The following TMEM132C variants were observed in gnomAD, a reference collection of about 807,000 sequenced individuals.
TMEM132C encodes the protein transmembrane protein 132C, also known as protein phosphatase 1, regulatory subunit 152.
A neutral mutation model predicts 61.4 loss-of-function variants in TMEM132C; 29 were observed. That is an observed-to-expected ratio of 0.47 (90% CI 0.35 to 0.64). TMEM132C has a LOEUF of 0.64. Ranked by LOEUF, TMEM132C falls within the 30% of genes least tolerant of loss-of-function variation. The pLI is 0.00. For missense variants in TMEM132C, 1,408 were observed against 1,476.9 expected, an observed-to-expected ratio of 0.95 and a Z score of 0.76; for synonymous variants, 656 against 633.1, an observed-to-expected ratio of 1.04 and a Z score of -0.54.
In TMEM132C at chr12:128,528,079, C is replaced by T. The variant is rs569884112; in HGVS notation, c.975-15878C>T. Among the ~76,000 whole-genome samples the T allele has an allele frequency of 2.0e-5, 3 of 152,312 alleles. No individual in the cohort carries two copies. The South Asian group carries it at 6.2e-4, about 32-fold the overall frequency. ...AATGAGAAATGTCAGCTGTTGCTAT[C>T]GTTGTTACGATTGGACATACTCACA... is the stretch of plus-strand genomic sequence containing the variant. On this transcript the variant is annotated intron_variant, in intron 2 of 8. Coordinates refer to ENST00000435159, the MANE Select transcript of TMEM132C (RefSeq NM_001136103.3).
chr12:128,523,244 T>C (rs1872968902), intron 2 of TMEM132C, among the ~76,000 whole-genome samples: 1 of 152,130 alleles, frequency 6.6e-6, no homozygotes, highest in Admixed American at 6.5e-5. Flanking sequence ...GAATGGTGGT[T>C]GTCAAGGAAT....
chr12:128,466,653 T>A (rs1219476315), intron 2 of TMEM132C, among the ~76,000 whole-genome samples: 1 of 152,166 alleles, frequency 6.6e-6, no homozygotes, highest in African/African-American at 2.4e-5. Context: ...ATCCTCTGCC[T>A]CCTGAGTACG....
intron 2 of TMEM132C, among the ~76,000 whole-genome samples, chr12:128,531,286 AT>A (rs1356799747): frequency 3.2e-5 from 4 of 125,814 alleles, no homozygotes; most frequent in Non-Finnish European, 6.6e-5. Flanking sequence ...GATAGGGAAG[AT>A]CAAAGTAAAT....
intron 8 of TMEM132C, among the ~76,000 whole-genome samples, chr12:128,698,820 C>T (rs915284985): frequency 6.6e-6 from 1 of 152,208 alleles, no homozygotes; most frequent in Non-Finnish European, 1.5e-5. Context: ...CCACTATGGA[C>T]TGAGCAATGC....
intron 2 of TMEM132C, among the ~76,000 whole-genome samples, chr12:128,446,674 T>C (rs781687674): frequency 1.3e-5 from 2 of 152,204 alleles, no homozygotes; most frequent in Admixed American, 6.5e-5. Context: ...TTGTCCTTGA[T>C]TGCTTTTGCA....
At chr12:128,517,048 C>T (rs1258476831) in intron 2 of TMEM132C, among the ~76,000 whole-genome samples, 15 of 148,674 alleles carry the variant, frequency 1.0e-4, no homozygotes, top group Admixed American at 1.0e-3. Flanking sequence ...ACAGTGACAC[C>T]TGTCTCTGCT....
chr12:128,425,687 C>T (rs1869157195), intron 2 of TMEM132C, among the ~76,000 whole-genome samples: 1 of 152,188 alleles, frequency 6.6e-6, no homozygotes. Flanking sequence ...CTAGAGAAGG[C>T]CCTTCCTTGC....
At chr12:128,451,468 A>G (rs1870173579) in intron 2 of TMEM132C, among the ~76,000 whole-genome samples, 1 of 152,168 alleles carries the variant, frequency 6.6e-6, no homozygotes, top group Non-Finnish European at 1.5e-5. Flanking sequence ...CCCCGGCAGG[A>G]AAGAGGGCTG....
intron 2 of TMEM132C, among the ~76,000 whole-genome samples, chr12:128,529,109 T>C (rs936507890): frequency 1.3e-5 from 2 of 152,032 alleles, no homozygotes; most frequent in African/African-American, 4.8e-5. Context: ...ACTGTTCATC[T>C]CAGAAATGTT....
chr12:128,448,643 G>A (rs1172605025), intron 2 of TMEM132C, among the ~76,000 whole-genome samples: 1 of 152,174 alleles, frequency 6.6e-6, no homozygotes, highest in African/African-American at 2.4e-5. Flanking sequence ...TTATGGAATG[G>A]GGAAACAGAT....
At position 128,706,631 on chromosome 12, in the gene TMEM132C, A is replaced by G. The variant is rs1485364905; in HGVS notation, c.*336A>G. 4 of 204,846 alleles carry G rather than the reference A, an allele frequency of 2.0e-5. No individual in the cohort carries two copies. Among genetic ancestry groups the G allele is most frequent in the African/African-American group, 9.2e-5 (4 of 43,556 alleles). The allele number at this position is 204,846 out of a possible 1,614,324, so 12.7% of individuals were successfully genotyped here. A position where few individuals can be genotyped will look rare whatever the true frequency, so the allele number is the denominator to read the frequency against. ...CAAAAATTATTTGTTAAAAAATGCA[A>G]CAAGACAAATAAAAAGAGAAATAAT... On this transcript the variant is annotated 3_prime_UTR_variant, in exon 9 of 9. Coordinates refer to ENST00000435159, the MANE Select transcript of TMEM132C (RefSeq NM_001136103.3).
intron 4 of TMEM132C, among the ~76,000 whole-genome samples, chr12:128,644,839 T>G (rs892543984): frequency 2.0e-5 from 3 of 152,200 alleles, no homozygotes; most frequent in African/African-American, 7.2e-5. Flanking sequence ...CAGCTTGTTC[T>G]TTGTTCAGAA....
chr12:128,572,099 T>C (rs1874907082), intron 3 of TMEM132C, among the ~76,000 whole-genome samples: 1 of 151,906 alleles, frequency 6.6e-6, no homozygotes, highest in South Asian at 2.1e-4. Context: ...ATGCCCACTG[T>C]GGCCTCTGCT....
intron 3 of TMEM132C, among the ~76,000 whole-genome samples, chr12:128,544,330 C>A (rs11615025): frequency 0.43 from 65,052 of 152,202 alleles, 15,219 homozygotes; most frequent in Non-Finnish European, 0.52. Flanking sequence ...GCTTTGGAGC[C>A]GGGTGAGCTC....
rs1237137509 is a variant in TMEM132C, at chr12:128,630,475, C to A, written c.1305+14140C>A. ...TCATCCAGGCATCTACTCAAATATC[C>A]CCTCCTCACTAGGCCCCCTGACTAA... On this transcript the variant is annotated intron_variant, in intron 4 of 8. Coordinates refer to ENST00000435159, the MANE Select transcript of TMEM132C (RefSeq NM_001136103.3). This position sits in a 1 kb window ranked among gnomAD's most constrained non-coding sequence, Gnocchi z 4.3. Among the ~76,000 whole-genome samples the A allele has an allele frequency of 1.3e-5, 2 of 152,146 alleles. No individual in the cohort carries two copies. Among genetic ancestry groups the A allele is most frequent in the Non-Finnish European group, 2.9e-5 (2 of 68,030 alleles).
chr12:128,467,540 A>G (rs748477451), intron 2 of TMEM132C, among the ~76,000 whole-genome samples: 18 of 152,078 alleles, frequency 1.2e-4, no homozygotes, highest in Admixed American at 7.9e-4. Flanking sequence ...TTTTCATTCC[A>G]TTTGTTGTTG....
In TMEM132C at chr12:128,651,038, A is replaced by G. The variant is rs186072147; in HGVS notation, c.1306-18379A>G. On this transcript the variant is annotated intron_variant, in intron 4 of 8. Transcript: ENST00000435159. ...CAGATGGGGACTGCAGATTCAAACCATGACTTGCTGTCCTGAGCCTCGCCC... is the reference window on the plus strand; with the variant it reads ...CAGATGGGGACTGCAGATTCAAACCGTGACTTGCTGTCCTGAGCCTCGCCC... Among the ~76,000 whole-genome samples the G allele has an allele frequency of 7.9e-5, 12 of 152,318 alleles. No homozygotes were observed. In the East Asian group the frequency reaches 1.7e-3, roughly 22 times the overall value.
At chr12:128,378,757 G>A (rs1874304851) in intron 1 of TMEM132C, among the ~76,000 whole-genome samples, 1 of 152,104 alleles carries the variant, frequency 6.6e-6, no homozygotes, top group East Asian at 1.9e-4. Context: ...GATACGGTTT[G>A]TCGGTGTCCC....
chr12:128,400,613 T>C (rs1421718406), intron 1 of TMEM132C, among the ~76,000 whole-genome samples: 4 of 133,062 alleles, frequency 3.0e-5, no homozygotes, highest in Admixed American at 1.6e-4. Context: ...TTTTTTTTTT[T>C]TGTTTGCAGG....
Sources: gnomAD v4.1 joint callset for allele counts (sites outside exome capture counted in the v4.1 genomes callset) on GRCh38, gnomAD v4.1.1 for gene constraint, Gnocchi (gnomAD v3.1) non-coding constraint, MANE v1.5 for transcripts, NCBI Gene and HGNC (gene_info 2026-07-23, HGNC 2026-07-21) for gene names.